Variants in SMAD2 observed in about 807,000 individuals in gnomAD.
SMAD2 encodes the protein MAD homolog 2.
A neutral mutation model predicts 64.4 loss-of-function variants in SMAD2; 8 were observed. The observed-to-expected ratio is 0.12, with a 90% CI of 0.07 to 0.22. The LOEUF (loss-of-function observed/expected upper bound fraction) is 0.22. Ranked by LOEUF, SMAD2 falls within the 10% of genes least tolerant of loss-of-function variation. The pLI is 1.00. For missense variants in SMAD2, 289 were observed against 561.2 expected, an observed-to-expected ratio of 0.51 and a Z score of 4.90; for synonymous variants, 203 against 195.8, an observed-to-expected ratio of 1.04 and a Z score of -0.31.
chr18:47,831,526 AAGAC>A lies in SMAD2; in HGVS notation c.*10297_*10300del, dbSNP rs1450518440. 1 of 152,244 alleles carries A rather than the reference AAGAC, an allele frequency of 6.6e-6. No homozygotes were observed. The highest frequency in any genetic ancestry group is 1.5e-5 in the Non-Finnish European group (1 of 68,046). 9.4% of individuals were successfully genotyped at this position (152,244 alleles called of 1,614,324 possible). On this transcript the variant is annotated 3_prime_UTR_variant, in exon 11 of 11. Coordinates refer to ENST00000262160, the MANE Select transcript of SMAD2 (RefSeq NM_005901.6). ...GCAGAGGCAGCCAACAAAACTATTG[AAGAC>A]AGACTGTAAAAACTGGCAAATCCCC... is the stretch of plus-strand genomic sequence containing the variant.
chr18:47,898,302 T>G (rs571836559), intron 1 of SMAD2, among the ~76,000 whole-genome samples: 1 of 152,310 alleles, frequency 6.6e-6, no homozygotes, highest in South Asian at 2.1e-4. Flanking sequence ...GGATTATACG[T>G]GTATAAACAA....
At chr18:47,881,654 G>A (rs150224272) in intron 2 of SMAD2, among the ~76,000 whole-genome samples, 22 of 152,270 alleles carry the variant, frequency 1.4e-4, no homozygotes, top group African/African-American at 5.1e-4. Context: ...AGACATCCCT[G>A]TCTTGTTCTT....
In SMAD2 at chr18:47,840,173, A is replaced by G. The variant is rs2144271675; in HGVS notation, c.*1654T>C. The G allele has an allele frequency of 4.3e-6, 1 of 233,150 alleles. No homozygotes were observed. Among genetic ancestry groups the G allele is most frequent in the East Asian group, 6.0e-5 (1 of 16,622 alleles). The allele number at this position is 233,150 out of a possible 1,614,324, so 14.4% of individuals were successfully genotyped here. On this transcript the variant is annotated 3_prime_UTR_variant, in exon 11 of 11. Transcript: ENST00000262160. Reference sequence around the variant, plus strand: ...GAAAATGGGGAGTACCCAATAGAAAACCACCAAATGTTGAAAGTATTGAAA... The same window carrying G: ...GAAAATGGGGAGTACCCAATAGAAAGCCACCAAATGTTGAAAGTATTGAAA...
At chr18:47,868,192 G>C in intron 5 of SMAD2, 131 bp downstream of exon 5, 1 of 784,156 alleles carries the variant, frequency 1.3e-6, no homozygotes, top group Non-Finnish European at 2.2e-6. Flanking sequence ...ATCACCCAAC[G>C]AATCCAATTT....
At chr18:47,916,608 T>C (rs1389318546) in intron 1 of SMAD2, among the ~76,000 whole-genome samples, 1 of 152,164 alleles carries the variant, frequency 6.6e-6, no homozygotes, top group East Asian at 1.9e-4. Context: ...CTTCACCATG[T>C]TGGCCAGGCT....
In SMAD2 at chr18:47,830,872, T is replaced by C. The variant is rs888448659; in HGVS notation, c.*10955A>G. The C allele has an allele frequency of 6.4e-6, 1 of 155,636 alleles. No homozygotes were observed. Among genetic ancestry groups the C allele is most frequent in the Non-Finnish European group, 1.4e-5 (1 of 69,882 alleles). 9.6% of individuals were successfully genotyped at this position (155,636 alleles called of 1,614,324 possible). ...GCTACTTATTAGAAAAATCCACATATATACAAAACTCTGCTAAAATTCCAA... is the reference window on the plus strand; with the variant it reads ...GCTACTTATTAGAAAAATCCACATACATACAAAACTCTGCTAAAATTCCAA... On this transcript the variant is annotated 3_prime_UTR_variant, in exon 11 of 11. Coordinates refer to ENST00000262160, the MANE Select transcript of SMAD2 (RefSeq NM_005901.6).
In SMAD2 at chr18:47,872,073, AGAG is replaced by A. The variant is rs1316905197; in HGVS notation, c.237-1512_237-1510del. The stretch of plus-strand genomic sequence containing the variant: ...CTTTATTTAATCCTTGAAAGGAATC[AGAG>A]AAGAATAAACAGTAATTGTTAAGAA... On this transcript the variant is annotated intron_variant, in intron 2 of 10. Coordinates refer to ENST00000262160, the MANE Select transcript of SMAD2 (RefSeq NM_005901.6). Among the ~76,000 whole-genome samples, 4 of 152,352 alleles carry A rather than the reference AGAG, an allele frequency of 2.6e-5. No homozygotes were observed. The East Asian group carries it at 7.7e-4, about 29-fold the overall frequency.
intron 6 of SMAD2, among the ~76,000 whole-genome samples, chr18:47,851,689 T>C (rs1375445509): frequency 1.3e-5 from 2 of 152,178 alleles, no homozygotes; most frequent in Admixed American, 6.5e-5. Flanking sequence ...GTAACCGTTT[T>C]TCATCTTCTA....
intron 1 of SMAD2, among the ~76,000 whole-genome samples, chr18:47,927,234 T>G (rs1249044929): frequency 6.6e-6 from 1 of 152,224 alleles, no homozygotes; most frequent in Non-Finnish European, 1.5e-5. Context: ...TCTGAAAGAC[T>G]GGCCGTATCT....
In SMAD2 at chr18:47,828,159, C is replaced by A. The variant is rs189158823; in HGVS notation, c.*13668G>T. ...GTCTGAGAAGTGAGGAGCCCCTCCG[C>A]CCAGCAACCACCCCGTCCGGGAAGT... On this transcript the variant is annotated 3_prime_UTR_variant, in exon 11 of 11. Coordinates refer to ENST00000262160, the MANE Select transcript of SMAD2 (RefSeq NM_005901.6). The A allele has an allele frequency of 3.8e-3, 614 of 160,238 alleles. 5 individuals are homozygous for A. Among genetic ancestry groups the A allele is most frequent in the Middle Eastern group, 0.015 (5 of 324 alleles). The allele number at this position is 160,238 out of a possible 1,614,324, so 9.9% of individuals were successfully genotyped here. A position where few individuals can be genotyped will look rare whatever the true frequency, so the allele number is the denominator to read the frequency against.
rs781131938 is a variant in SMAD2, at chr18:47,851,240, T to G, written c.784+34A>C. On this transcript the variant is annotated intron_variant, in intron 7 of 10. Transcript: ENST00000262160. ...TTATTATTAAGTAGGTGATACAGTA[T>G]AAAAATGATGAGGGGAACATATGTG... The G allele has an allele frequency of 3.3e-5, 48 of 1,459,302 alleles. No individual in the cohort carries two copies. The Admixed American group carries it at 7.9e-4, about 24-fold the overall frequency. 90.4% of individuals were successfully genotyped at this position (1,459,302 alleles called of 1,614,324 possible). A position where few individuals can be genotyped will look rare whatever the true frequency, so the allele number is the denominator to read the frequency against.
At chr18:47,900,273 C>T (rs533611173) in intron 1 of SMAD2, among the ~76,000 whole-genome samples, 14 of 152,180 alleles carry the variant, frequency 9.2e-5, no homozygotes, top group Admixed American at 2.6e-4. Context: ...ACTTACAGGA[C>T]AACTCAACTA....
chr18:47,907,198 C>T (rs1380432973), intron 1 of SMAD2, among the ~76,000 whole-genome samples: 1 of 152,140 alleles, frequency 6.6e-6, no homozygotes, highest in Non-Finnish European at 1.5e-5. Flanking sequence ...AAAATAAATA[C>T]GTATGTCCAC....
At chr18:47,881,211 G>A (rs141024769) in intron 2 of SMAD2, among the ~76,000 whole-genome samples, 6 of 152,272 alleles carry the variant, frequency 3.9e-5, no homozygotes, top group African/African-American at 1.4e-4. Flanking sequence ...TTGAGGGAGT[G>A]TCAGTCTGGT....
At chr18:47,885,464 GGCCA>G (rs2032851988) in intron 2 of SMAD2, among the ~76,000 whole-genome samples, 1 of 151,730 alleles carries the variant, frequency 6.6e-6, no homozygotes, top group African/African-American at 2.4e-5. Flanking sequence ...CACCGTGTCT[GGCCA>G]ATATATACTG....
rs59129117 is a variant in SMAD2, at chr18:47,837,561, CAAA to C, written c.*4263_*4265del. 216 of 154,724 alleles carry C rather than the reference CAAA, an allele frequency of 1.4e-3. No homozygotes were observed. The highest frequency in any genetic ancestry group is 3.7e-3 in the Middle Eastern group (2 of 536). The allele number at this position is 154,724 out of a possible 1,614,324, so 9.6% of individuals were successfully genotyped here. A position where few individuals can be genotyped will look rare whatever the true frequency, so the allele number is the denominator to read the frequency against. On this transcript the variant is annotated 3_prime_UTR_variant, in exon 11 of 11. Transcript: ENST00000262160. ...TGGGCAACAGAGCGAGACTCCCTCT[CAAA>C]AAAAAAAAAAAAAAACAAAAAACAA...
In SMAD2 at chr18:47,825,869, C is replaced by T. The variant is rs1912734934; in HGVS notation, c.*15958G>A. ...TATTGGGAAGCTTCCTAAAGCACTC[C>T]AAGCTCCTAAAAACAGGCAGCATGA... On this transcript the variant is annotated 3_prime_UTR_variant, in exon 11 of 11. Transcript: ENST00000262160. The T allele has an allele frequency of 6.6e-6, 1 of 152,206 alleles. No homozygotes were observed. The highest frequency in any genetic ancestry group is 1.5e-5 in the Non-Finnish European group (1 of 68,032). 9.4% of individuals were successfully genotyped at this position (152,206 alleles called of 1,614,324 possible).
At chr18:47,881,407 T>C (rs1478051543) in intron 2 of SMAD2, among the ~76,000 whole-genome samples, 1 of 152,236 alleles carries the variant, frequency 6.6e-6, no homozygotes, top group African/African-American at 2.4e-5. Context: ...TGCTAGTATT[T>C]ACAAAAATAC....
intron 6 of SMAD2, among the ~76,000 whole-genome samples, chr18:47,858,437 T>C (rs2030903344): frequency 6.6e-6 from 1 of 152,166 alleles, no homozygotes; most frequent in Non-Finnish European, 1.5e-5. Flanking sequence ...AAGAAATGTC[T>C]GTAGTAAAGG....
Sources: allele counts gnomAD v4.1 joint callset (sites outside exome capture counted in the v4.1 genomes callset), GRCh38; gene constraint gnomAD v4.1.1; transcripts MANE v1.5; gene names NCBI Gene and HGNC (gene_info 2026-07-23, HGNC 2026-07-21).